ZC3H4: variants seen among roughly 807,000 people sequenced by gnomAD.
ZC3H4 encodes zinc finger CCCH-type containing 4, also known as zinc finger CCCH domain-containing protein 4.
Under a neutral mutation model 108.3 loss-of-function variants are expected in ZC3H4, and 13 were observed. The observed-to-expected ratio is 0.12, with a 90% CI of 0.08 to 0.19. The LOEUF (loss-of-function observed/expected upper bound fraction) is 0.19, where lower values mean the gene tolerates loss of function less well. Among genes scored for constraint, ZC3H4 ranks in the 10% least tolerant of loss-of-function variants. The pLI is 1.00. For missense variants in ZC3H4, 1,734 were observed against 1,838.8 expected (o/e 0.94, Z 1.04); for synonymous variants, 917 against 749.6 (o/e 1.22, Z -3.65).
chr19:47,066,472 C>A lies in ZC3H4; in HGVS notation c.3796G>T (p.Gly1266Cys). 1 of 1,581,196 alleles carries A rather than the reference C, an allele frequency of 6.3e-7. No homozygotes were observed. The highest frequency in any genetic ancestry group is 8.6e-7 in the Non-Finnish European group (1 of 1,163,516). The change falls in exon 15 of 15, where the codon GGC (glycine) becomes TGC (cysteine). Residue 1266 changes from glycine to cysteine, a missense_variant. Physicochemically the swap from Gly to Cys is radical, Grantham distance 159. Coordinates refer to ENST00000253048, the MANE Select transcript of ZC3H4 (RefSeq NM_015168.2). ...TTCCCAGCAAATGGGCTTCCTGAGCCCGTCTTGGGTGTCTGCTTCACCGTC... is the reference window on the plus strand; with the variant it reads ...TTCCCAGCAAATGGGCTTCCTGAGCACGTCTTGGGTGTCTGCTTCACCGTC... ...FGTVKQTPKT[G>C]SGSPFAGNSP... is the part of the protein sequence containing the mutation.
intron 2 of ZC3H4, chr19:47,110,813 T>G: frequency 1.4e-6 from 1 of 738,312 alleles, no homozygotes; most frequent in Non-Finnish European, 1.7e-6. Flanking sequence ...TGAACTGGAG[T>G]CGGGCTGCGA....
intron 11 of ZC3H4, among the ~76,000 whole-genome samples, chr19:47,078,814 G>A (rs1472716350): frequency 5.9e-5 from 9 of 152,182 alleles, no homozygotes; most frequent in Non-Finnish European, 1.5e-5. Flanking sequence ...AGCCGAGATG[G>A]TGCCATTGCA....
chr19:47,099,040 C>T (rs1483920577), intron 2 of ZC3H4, among the ~76,000 whole-genome samples: 3 of 152,142 alleles, frequency 2.0e-5, no homozygotes, highest in Non-Finnish European at 2.9e-5. Context: ...AAGCCCTTGA[C>T]ATGAGGAACA....
In ZC3H4 at chr19:47,077,394, G is replaced by A. The variant is rs376489019; in HGVS notation, c.1440+4119C>T. 4.6e-4 allele frequency among the ~76,000 whole-genome samples: 70 copies of A among 152,072 alleles called. No homozygotes were observed. The South Asian group carries it at 0.014, about 31-fold the overall frequency. Reference sequence around the variant, plus strand: ...GAGACAGGAGAATCACTTGAACCCAGGAGGCGGAGGTTGCAGTGAGCCGAG... The same window carrying A: ...GAGACAGGAGAATCACTTGAACCCAAGAGGCGGAGGTTGCAGTGAGCCGAG... On this transcript the variant is annotated intron_variant, in intron 11 of 14. Transcript: ENST00000253048.
At chr19:47,082,384 T>C (rs1451991261) in intron 9 of ZC3H4, 89 bp from the exon 10 acceptor site, 5 of 987,950 alleles carry the variant, frequency 5.1e-6, no homozygotes, top group African/African-American at 1.6e-5. Context: ...CTGTCACTGC[T>C]GGTGCATGGA....
chr19:47,092,144 G>A (rs1334522768), intron 4 of ZC3H4, among the ~76,000 whole-genome samples: 1 of 152,074 alleles, frequency 6.6e-6, no homozygotes, highest in Non-Finnish European at 1.5e-5. Context: ...GCTCGAGGCT[G>A]CAGTGAGGTG....
Position 47,067,225 on chromosome 19 carries a change from C to A in ZC3H4, c.3043G>T (p.Ala1015Ser). The A allele has an allele frequency of 1.9e-6, 3 of 1,606,930 alleles. No individual in the cohort carries two copies. Among genetic ancestry groups the A allele is most frequent in the Non-Finnish European group, 2.5e-6 (3 of 1,176,794 alleles). Residue 1015 changes from alanine to serine, a missense_variant, in exon 15 of 15, where the codon GCT (alanine) becomes TCT (serine). This residue lies in a region of ZC3H4 where 518 missense variants were observed against 499.6 expected (regional missense o/e 1.04). Transcript: ENST00000253048. The surrounding 1 kb of genome is among the most constrained non-coding windows in gnomAD (Gnocchi z 6.4). ...MPTLDPRLHR[A>S]ATAGPPNARQ... The stretch of plus-strand genomic sequence containing the variant: ...GCGTTGGGGGGCCCTGCCGTGGCAG[C>A]GCGGTGCAGCCGGGGGTCCAGGGTG...
intron 14 of ZC3H4, among the ~76,000 whole-genome samples, chr19:47,068,310 G>A (rs970642301): frequency 6.6e-6 from 1 of 152,214 alleles, no homozygotes; most frequent in African/African-American, 2.4e-5. Context: ...CCAGCTGTGG[G>A]CACCTCTTTC....
At chr19:47,097,041 A>C in intron 2 of ZC3H4, 1 of 969,976 alleles carries the variant, frequency 1.0e-6, no homozygotes, top group Non-Finnish European at 1.2e-6. Flanking sequence ...CTGCGGGCAG[A>C]GGACAAAAGA....
chr19:47,067,442 G>A lies in ZC3H4; in HGVS notation c.2826C>T (p.Asp942=), dbSNP rs933853904. ...LREKAVNIPL[D]PLPGHPLRDP... is the part of the protein sequence containing the mutation. ...CCCGCAGAGGGTGCCCGGGGAGTGG[G>A]TCCAGGGGAATGTTCACGGCCTTCT... Residue 942 remains aspartate (D), a synonymous_variant, in exon 15 of 15, where the codon GAC becomes GAT. Transcript: ENST00000253048. This position sits in a 1 kb window ranked among gnomAD's most constrained non-coding sequence, Gnocchi z 6.4. The A allele has an allele frequency of 2.5e-6, 4 of 1,598,066 alleles. No homozygotes were observed. The highest frequency in any genetic ancestry group is 3.4e-6 in the Non-Finnish European group (4 of 1,171,602).
chr19:47,103,239 A>C (rs2057925520), intron 2 of ZC3H4, among the ~76,000 whole-genome samples: 2 of 152,234 alleles, frequency 1.3e-5, no homozygotes, highest in Non-Finnish European at 2.9e-5. Flanking sequence ...ACCGATTTCT[A>C]TCACTCCAGA....
At position 47,082,179 on chromosome 19, in the gene ZC3H4, G is replaced by A. The variant is rs759684718; in HGVS notation, c.1330+5C>T. On this transcript the variant is annotated splice_donor_5th_base_variant and intron_variant, in intron 10 of 14. Coordinates refer to ENST00000253048, the MANE Select transcript of ZC3H4 (RefSeq NM_015168.2). Reference sequence around the variant, plus strand: ...TTCAGACCAGATGCTGGCACTAAAGGATATCGTGCATATAAGGGCAGTTCT... The same window carrying A: ...TTCAGACCAGATGCTGGCACTAAAGAATATCGTGCATATAAGGGCAGTTCT... 4 of 1,608,734 alleles carry A rather than the reference G, an allele frequency of 2.5e-6. No individual in the cohort carries two copies. Among genetic ancestry groups the A allele is most frequent in the Non-Finnish European group, 3.4e-6 (4 of 1,175,022 alleles).
intron 2 of ZC3H4, among the ~76,000 whole-genome samples, chr19:47,104,754 G>A (rs937424881): frequency 6.6e-5 from 10 of 152,180 alleles, no homozygotes; most frequent in Non-Finnish European, 1.2e-4. Flanking sequence ...CTCGTTCCCC[G>A]TGGAGTGGCA....
intron 2 of ZC3H4, among the ~76,000 whole-genome samples, chr19:47,106,575 C>T (rs2057970895): frequency 6.6e-6 from 1 of 152,222 alleles, no homozygotes. Context: ...GCCTAACCTT[C>T]AAATTAATTA....
Position 47,066,583 on chromosome 19 carries a change from G to C in ZC3H4, c.3685C>G (p.Pro1229Ala). The change falls in exon 15 of 15, where the codon CCC (proline) becomes GCC (alanine). Residue 1229 changes from proline to alanine, a missense_variant. Around this residue, in one of 9 missense-constraint regions of ZC3H4, gnomAD observed 518 missense variants for 499.6 expected, o/e 1.04. Coordinates refer to ENST00000253048, the MANE Select transcript of ZC3H4 (RefSeq NM_015168.2). ...NRPRPKAAAA[P>A]AATTATPPPE... ...GGTGGGGTGGCGGTGGTGGCAGCGG[G>C]GGCTGCAGCAGCCTTGGGCCGGGGC... 6.3e-7 allele frequency: 1 copy of C among 1,594,862 alleles called. No individual in the cohort carries two copies.
intron 2 of ZC3H4, chr19:47,097,033 G>A (rs2057832914): frequency 1.0e-6 from 1 of 976,806 alleles, no homozygotes; most frequent in Admixed American, 6.1e-5. Flanking sequence ...TCTAACACCT[G>A]CGGGCAGAGG....
chr19:47,079,139 C>T (rs939364119), intron 11 of ZC3H4, among the ~76,000 whole-genome samples: 2 of 150,656 alleles, frequency 1.3e-5, no homozygotes, highest in Admixed American at 1.3e-4. Context: ...AAGCGATTCT[C>T]CTGCCTCAGC....
chr19:47,073,386 A>G (rs2057363432), intron 11 of ZC3H4, among the ~76,000 whole-genome samples: 1 of 152,136 alleles, frequency 6.6e-6, no homozygotes, highest in Admixed American at 6.5e-5. Flanking sequence ...CCTGGCCAAC[A>G]TGGTGAAACC....
intron 2 of ZC3H4, among the ~76,000 whole-genome samples, chr19:47,102,219 G>A (rs1008552867): frequency 1.3e-5 from 2 of 152,160 alleles, no homozygotes; most frequent in Non-Finnish European, 2.9e-5. Context: ...ATTTGCCCAT[G>A]GGGTCACAGC....
Sources: gnomAD v4.1 joint callset for allele counts (sites outside exome capture counted in the v4.1 genomes callset) on GRCh38, gnomAD v4.1.1 for gene constraint, gnomAD v4.1.1 regional missense constraint, Gnocchi (gnomAD v3.1) non-coding constraint, MANE v1.5 for transcripts, NCBI Gene and HGNC (gene_info 2026-07-23, HGNC 2026-07-21) for gene names.